The following KIRREL1 variants were observed in gnomAD, a reference collection of about 807,000 sequenced individuals.
KIRREL1 encodes the protein kin of IRRE-like protein 1.
In KIRREL1, 25 loss-of-function variants were observed where a neutral mutation model predicts 83.3. The observed-to-expected ratio is 0.30, with a 90% CI of 0.22 to 0.42. The LOEUF is 0.42. KIRREL1 is among the 10% of genes least tolerant of loss of function. KIRREL1 has a pLI of 1.00. For synonymous variants in KIRREL1, 388 were observed against 410.4 expected, an observed-to-expected ratio of 0.95 and a Z score of 0.66; for missense variants, 812 against 1,032.3, an observed-to-expected ratio of 0.79 and a Z score of 2.92.
rs781087658 is a variant in KIRREL1 at position 158,089,618 on chromosome 1, C to T, written c.1161C>T (p.Leu387=). The T allele has an allele frequency of 4.3e-6, 7 of 1,613,476 alleles. No homozygotes were observed. Among genetic ancestry groups the T allele is most frequent in the Non-Finnish European group, 1.7e-6 (2 of 1,179,624 alleles). ...RIGVAEREVP[L]YVNGPPIISS... ...GAGTGGCTGAGCGGGAGGTGCCGCT[C>T]TATGTGAACGGTGAGTGAGTGGCCT... The change falls in exon 9 of 15, where the codon CTC becomes CTT. Residue 387 remains leucine (L), a synonymous_variant. Coordinates refer to ENST00000359209, the MANE Select transcript of KIRREL1 (RefSeq NM_018240.7).
intron 1 of KIRREL1, among the ~76,000 whole-genome samples, chr1:158,043,638 TG>T: frequency 6.6e-6 from 1 of 152,342 alleles, no homozygotes; most frequent in Non-Finnish European, 1.5e-5. Flanking sequence ...TCCCCTAGGC[TG>T]GGTACCCCAT....
At chr1:158,024,270 A>ATTT (rs67318767) in intron 1 of KIRREL1, among the ~76,000 whole-genome samples, 6 of 70,008 alleles carry the variant, frequency 8.6e-5, no homozygotes, top group African/African-American at 2.7e-4. Flanking sequence ...TTGTTGTTGT[A>ATTT]TTTTTTTTTT....
chr1:158,020,547 G>A (rs1254991819), intron 1 of KIRREL1, among the ~76,000 whole-genome samples: 2 of 124,256 alleles, frequency 1.6e-5, no homozygotes, highest in Non-Finnish European at 3.1e-5. Context: ...TGTAACTTCC[G>A]TCTCTTGCCT....
chr1:158,011,862 C>T (rs918486234), intron 1 of KIRREL1, among the ~76,000 whole-genome samples: 3 of 152,284 alleles, frequency 2.0e-5, no homozygotes, highest in South Asian at 4.1e-4. Context: ...TTCCCTGGAC[C>T]GGGTCCCCTC....
chr1:158,056,844 A>G (rs1255000140), intron 1 of KIRREL1, among the ~76,000 whole-genome samples: 3 of 152,010 alleles, frequency 2.0e-5, no homozygotes, highest in Non-Finnish European at 4.4e-5. Flanking sequence ...TCATTTCTGA[A>G]CTTCTCATGT....
chr1:158,047,027 G>A (rs1660796727), intron 1 of KIRREL1, among the ~76,000 whole-genome samples: 2 of 152,076 alleles, frequency 1.3e-5, no homozygotes, highest in Non-Finnish European at 2.9e-5. Flanking sequence ...CATGAGAAGA[G>A]GAGACTCCAG....
rs754250499 is a variant in KIRREL1, at chr1:158,095,662, G to T, written c.*542G>T. The stretch of plus-strand genomic sequence containing the variant: ...GAAGGGAGCGAACAGGGTACTGTTC[G>T]CTCTTGTCTACAGAACAGCCCTGGC... On this transcript the variant is annotated 3_prime_UTR_variant, in exon 15 of 15. Coordinates refer to ENST00000359209, the MANE Select transcript of KIRREL1 (RefSeq NM_018240.7). 6.6e-6 allele frequency: 1 copy of T among 152,406 alleles called. No homozygotes were observed. The highest frequency in any genetic ancestry group is 2.1e-4 in the South Asian group (1 of 4,830). 9.4% of individuals were successfully genotyped at this position (152,406 alleles called of 1,614,324 possible).
chr1:158,008,430 A>C (rs1659581222), intron 1 of KIRREL1, among the ~76,000 whole-genome samples: 1 of 151,990 alleles, frequency 6.6e-6, no homozygotes, highest in African/African-American at 2.4e-5. Flanking sequence ...ACAGCAGGAG[A>C]TGTGTATAGG....
At chr1:158,066,100 T>C (rs1558008601) in intron 1 of KIRREL1, among the ~76,000 whole-genome samples, 1 of 152,074 alleles carries the variant, frequency 6.6e-6, no homozygotes, top group Non-Finnish European at 1.5e-5. Context: ...AGAGTAGGCT[T>C]TGGGATGTGC....
chr1:158,054,700 C>T lies in KIRREL1; in HGVS notation c.53-21413C>T, dbSNP rs942640992. Among the ~76,000 whole-genome samples the T allele has an allele frequency of 2.6e-5, 4 of 152,148 alleles. No individual in the cohort carries two copies. In the East Asian group the frequency reaches 7.7e-4, roughly 29 times the overall value. On this transcript the variant is annotated intron_variant, in intron 1 of 14. Transcript: ENST00000359209. ...GGAGTTCAGATCCAGTTCTGATTTCCAGCTGATACGTTTTGTTGCTCGCTC... is the reference window on the plus strand; with the variant it reads ...GGAGTTCAGATCCAGTTCTGATTTCTAGCTGATACGTTTTGTTGCTCGCTC...
At chr1:158,006,943 G>A (rs967949405) in intron 1 of KIRREL1, among the ~76,000 whole-genome samples, 3 of 152,206 alleles carry the variant, frequency 2.0e-5, no homozygotes, top group East Asian at 1.9e-4. Flanking sequence ...TCCTTGTCCC[G>A]CCTTGCCAGG....
At position 158,095,109 on chromosome 1, in the gene KIRREL1, A is replaced by T; in HGVS notation, c.2263A>T (p.Thr755Ser). 6.3e-7 allele frequency: 1 copy of T among 1,597,058 alleles called. No individual in the cohort carries two copies. Among genetic ancestry groups the T allele is most frequent in the Non-Finnish European group, 8.6e-7 (1 of 1,168,782 alleles). ...YGQRFQQRMQ[T>S]HV ...CCAGCGATTCCAGCAGCGCATGCAGACTCACGTGTAGGGGCCAGAGCCTGG... is the reference window on the plus strand; with the variant it reads ...CCAGCGATTCCAGCAGCGCATGCAGTCTCACGTGTAGGGGCCAGAGCCTGG... The change falls in exon 15 of 15, where the codon ACT becomes TCT. Residue 755 changes from threonine to serine, a missense_variant. Physicochemically the swap from Thr to Ser is moderately conservative, Grantham distance 58. Transcript: ENST00000359209.
intron 11 of KIRREL1, among the ~76,000 whole-genome samples, chr1:158,092,004 CAT>C (rs890271353): frequency 6.6e-6 from 1 of 152,200 alleles, no homozygotes; most frequent in African/African-American, 2.4e-5. Context: ...GGAGAAGAAT[CAT>C]ATGAACTGCA....
intron 1 of KIRREL1, among the ~76,000 whole-genome samples, chr1:158,022,807 T>C (rs865875147): frequency 3.3e-5 from 5 of 152,334 alleles, no homozygotes; most frequent in Admixed American, 6.5e-5. Flanking sequence ...TCTGCATCTG[T>C]GGGCCTTCTG....
At chr1:158,085,324 C>T (rs1181877876) in intron 4 of KIRREL1, among the ~76,000 whole-genome samples, 2 of 152,212 alleles carry the variant, frequency 1.3e-5, no homozygotes, top group Non-Finnish European at 2.9e-5. Context: ...CAGAGATGTT[C>T]CCATGCTCCT....
intron 10 of KIRREL1, among the ~76,000 whole-genome samples, chr1:158,090,992 G>C (rs376997463): frequency 6.6e-5 from 10 of 152,238 alleles, no homozygotes; most frequent in Admixed American, 6.5e-4. Flanking sequence ...TCCCAGTGTC[G>C]GTTCAATGGA....
intron 1 of KIRREL1, among the ~76,000 whole-genome samples, chr1:157,995,497 GGGGTCATGTTGGTGGTGGAGGA>G (rs1448779780): frequency 5.3e-5 from 8 of 152,108 alleles, no homozygotes; most frequent in Non-Finnish European, 8.8e-5. Context: ...GTGGTGGAGG[GGGGTCATGTTGGTGGTGGAGGA>G]GGCCCCTGGG....
chr1:158,032,908 C>T (rs1366188353), intron 1 of KIRREL1, among the ~76,000 whole-genome samples: 1 of 151,954 alleles, frequency 6.6e-6, no homozygotes, highest in African/African-American at 2.4e-5. Context: ...GTAGCTGAGA[C>T]CACAGGCATG....
chr1:158,024,093 G>A (rs1660085681), intron 1 of KIRREL1, among the ~76,000 whole-genome samples: 3 of 151,934 alleles, frequency 2.0e-5, no homozygotes. Flanking sequence ...GATTGTAGGT[G>A]CATGCCACTG....
Sources: gnomAD v4.1 joint callset for allele counts (sites outside exome capture counted in the v4.1 genomes callset) on GRCh38, gnomAD v4.1.1 for gene constraint, MANE v1.5 for transcripts, NCBI Gene and HGNC (gene_info 2026-07-23, HGNC 2026-07-21) for gene names.